Variants in USP39 observed in about 807,000 individuals in gnomAD.
The protein encoded by USP39 is ubiquitin specific peptidase 39, also known as ubiquitin carboxyl-terminal hydrolase 39.
A neutral mutation model predicts 66.4 loss-of-function variants in USP39; 38 were observed. That is an observed-to-expected ratio of 0.57 (90% CI 0.44 to 0.75). The LOEUF is 0.75. Among genes scored for constraint, USP39 ranks in the 30% least tolerant of loss-of-function variants. The pLI, the probability that USP39 is intolerant of heterozygous loss-of-function variation, is 0.00. For missense variants in USP39, 608 were observed against 714.4 expected, an observed-to-expected ratio of 0.85 and a Z score of 1.70; for synonymous variants, 303 against 274.6, an observed-to-expected ratio of 1.10 and a Z score of -1.02.
intron 11 of USP39, among the ~76,000 whole-genome samples, chr2:85,647,658 C>CAA (rs397707342): frequency 5.9e-4 from 49 of 82,438 alleles, no homozygotes; most frequent in South Asian, 9.0e-4. Flanking sequence ...GACCCTGTCT[C>CAA]AAAAAAAAAA....
At chr2:85,603,704 G>GC (rs1203681012) in intron 1 of USP39, among the ~76,000 whole-genome samples, 1 of 150,846 alleles carries the variant, frequency 6.6e-6, no homozygotes. Context: ...CCATTCTCCT[G>GC]CCTCAGCCTC....
Position 85,630,813 on chromosome 2 carries a change from G to A in USP39, c.816G>A (p.Leu272=), listed in dbSNP as rs1465056888. The part of the protein sequence containing the change: ...IKRPPGDIMF[L]LVQRFGELMR... ...GTCCTCCAGGGGATATCATGTTCTTGTTGGTCCAGCGTTTTGGAGAGCTGA... is the reference window on the plus strand; with the variant it reads ...GTCCTCCAGGGGATATCATGTTCTTATTGGTCCAGCGTTTTGGAGAGCTGA... The change falls in exon 6 of 13, where the codon TTG becomes TTA. Residue 272 remains leucine, a synonymous_variant. Coordinates refer to ENST00000323701, the MANE Select transcript of USP39 (RefSeq NM_006590.4). 2 of 1,614,182 alleles carry A rather than the reference G, an allele frequency of 1.2e-6. No individual in the cohort carries two copies. The highest frequency in any genetic ancestry group is 1.7e-5 in the Admixed American group (1 of 60,014).
upstream of USP39, among the ~76,000 whole-genome samples, chr2:85,615,879 C>T (rs759413779): frequency 3.9e-5 from 6 of 152,244 alleles, no homozygotes; most frequent in Non-Finnish European, 8.8e-5. Context: ...ATCCACCCGC[C>T]TCGGCCTCCC....
At chr2:85,607,814 G>C (rs1673272239), upstream of USP39, 1 of 152,216 alleles carries the variant, frequency 6.6e-6, no homozygotes, top group South Asian at 2.1e-4. Flanking sequence ...CCGTACTGGA[G>C]GGGGAGGATG....
chr2:85,633,831 C>CTTTTTTTTT (rs35970499), intron 6 of USP39, among the ~76,000 whole-genome samples: 3 of 78,996 alleles, frequency 3.8e-5, no homozygotes, highest in South Asian at 1.1e-3. Flanking sequence ...CGAGTAGTGG[C>CTTTTTTTTT]TTTTTTTTTT....
At chr2:85,633,011 G>A (rs1158485508) in intron 6 of USP39, among the ~76,000 whole-genome samples, 1 of 152,230 alleles carries the variant, frequency 6.6e-6, no homozygotes, top group African/African-American at 2.4e-5. Flanking sequence ...TGGACTCCTG[G>A]GGTCAGTGGA....
chr2:85,611,798 C>G (rs774897539), upstream of USP39: 1 of 1,610,376 alleles, frequency 6.2e-7, no homozygotes, highest in Non-Finnish European at 8.5e-7. Flanking sequence ...TGCGGGGAGC[C>G]GAGCGGGAGT....
At chr2:85,639,700 G>T (rs541146848) in intron 9 of USP39, 71 of 204,770 alleles carry the variant, frequency 3.5e-4, no homozygotes, top group Non-Finnish European at 5.9e-4. Context: ...AGCCTGCCTC[G>T]CCTCCCAAAG....
chr2:85,619,147 C>CT, intron 1 of USP39, 73 bp from the exon 2 acceptor site: 2 of 1,522,714 alleles, frequency 1.3e-6, no homozygotes, highest in Non-Finnish European at 1.8e-6. Flanking sequence ...ATTTCTGTTT[C>CT]TTTTTTTGTT....
At chr2:85,647,084 T>C (rs1437256275) in intron 11 of USP39, among the ~76,000 whole-genome samples, 1 of 152,098 alleles carries the variant, frequency 6.6e-6, no homozygotes, top group Non-Finnish European at 1.5e-5. Context: ...AGACGGGGTT[T>C]TACTGTGTTG....
intron 8 of USP39, among the ~76,000 whole-genome samples, chr2:85,638,856 A>G (rs1480173269): frequency 2.3e-5 from 3 of 129,382 alleles, no homozygotes; most frequent in East Asian, 2.3e-4. Flanking sequence ...TTTTTTTTGT[A>G]GAGATGGAGT....
intron 1 of USP39, among the ~76,000 whole-genome samples, chr2:85,605,834 T>C (rs975704323): frequency 3.3e-5 from 5 of 152,334 alleles, no homozygotes; most frequent in East Asian, 1.9e-4. Flanking sequence ...GAGTGCACCA[T>C]GGAGATGGAA....
chr2:85,625,205 G>A lies in USP39; in HGVS notation c.571-334G>A, dbSNP rs181341662. Among the ~76,000 whole-genome samples, 76 of 152,272 alleles carry A rather than the reference G, an allele frequency of 5.0e-4. 2 individuals are homozygous for A. In the South Asian group the frequency reaches 0.011, roughly 22 times the overall value. Reference sequence around the variant, plus strand: ...AGCTAGGTCCATGTGCTGCTCCCAGGAGGTTCTATCTGAGACTTAGACTGC... The same window carrying A: ...AGCTAGGTCCATGTGCTGCTCCCAGAAGGTTCTATCTGAGACTTAGACTGC... On this transcript the variant is annotated intron_variant, in intron 4 of 12. Transcript: ENST00000323701.
intron 10 of USP39, among the ~76,000 whole-genome samples, chr2:85,643,941 C>G (rs1432602774): frequency 6.6e-6 from 1 of 152,172 alleles, no homozygotes; most frequent in African/African-American, 2.4e-5. Flanking sequence ...GCATGAGCCA[C>G]CGCACCTGGC....
chr2:85,633,347 T>C (rs923081621), intron 6 of USP39, among the ~76,000 whole-genome samples: 2 of 152,070 alleles, frequency 1.3e-5, no homozygotes, highest in African/African-American at 4.8e-5. Context: ...GGTATCGAAC[T>C]CCTCACCTCA....
intron 6 of USP39, among the ~76,000 whole-genome samples, chr2:85,633,821 C>A (rs531867848): frequency 7.1e-6 from 1 of 141,626 alleles, no homozygotes; most frequent in African/African-American, 2.6e-5. Context: ...GAGGGGACGT[C>A]GAGTAGTGGC....
Position 85,639,195 on chromosome 2 carries a change from A to G in USP39, c.1096-8A>G. 1 of 1,608,250 alleles carries G rather than the reference A, an allele frequency of 6.2e-7. No individual in the cohort carries two copies. Among genetic ancestry groups the G allele is most frequent in the African/African-American group, 1.3e-5 (1 of 74,682 alleles). On this transcript the variant is annotated splice_polypyrimidine_tract_variant and splice_region_variant and intron_variant, in intron 8 of 12. Transcript: ENST00000323701. ...CCTTTCCTCTCTTTTCTTCTCATTC[A>G]TTTCTAGCCAGCAGAAGAAAAAGAG...
Position 85,623,633 on chromosome 2 carries a change from C to T in USP39, c.434-13C>T. 3 of 1,609,580 alleles carry T rather than the reference C, an allele frequency of 1.9e-6. No individual in the cohort carries two copies. The highest frequency in any genetic ancestry group is 2.5e-6 in the Non-Finnish European group (3 of 1,178,184). On this transcript the variant is annotated splice_polypyrimidine_tract_variant and intron_variant, in intron 3 of 12. Coordinates refer to ENST00000323701, the MANE Select transcript of USP39 (RefSeq NM_006590.4). ...TCTGCCCTTCTATTACAGCTTTTCA[C>T]CCTTCCCTACAGGCCGGGGTTTGAA...
At chr2:85,612,401 T>C, upstream of USP39, 1 of 1,527,766 alleles carries the variant, frequency 6.5e-7, no homozygotes, top group Non-Finnish European at 8.8e-7. Flanking sequence ...TGCGTGACTT[T>C]GGCTGACTGT....
Sources: gnomAD v4.1 joint callset for allele counts (sites outside exome capture counted in the v4.1 genomes callset) on GRCh38, gnomAD v4.1.1 for gene constraint, MANE v1.5 for transcripts, NCBI Gene and HGNC (gene_info 2026-07-23, HGNC 2026-07-21) for gene names.